Variants in P2RY8 observed in about 807,000 individuals in gnomAD.
The protein encoded by P2RY8 is P2Y receptor family member 8.
A neutral mutation model predicts 10.0 loss-of-function variants in P2RY8; 6 were observed. The ratio of observed to expected loss-of-function variants is 0.60; its 90% CI spans 0.33 to 1.19. The LOEUF (loss-of-function observed/expected upper bound fraction) is 1.19. P2RY8 is among the 50% of genes most tolerant of loss of function. The pLI, the probability that P2RY8 is intolerant of heterozygous loss-of-function variation, is 0.04. For missense variants in P2RY8, 456 were observed against 542.0 expected (o/e 0.84, Z 1.58); for synonymous variants, 276 against 252.5 (o/e 1.09, Z -0.88).
intron 1 of P2RY8, among the ~76,000 whole-genome samples, chrX:1,512,418 G>A (rs1442063870): frequency 2.0e-5 from 3 of 151,810 alleles, no homozygotes; most frequent in East Asian, 1.9e-4. Flanking sequence ...GTGGTGGTGG[G>A]TACCTGTCAT....
intron 1 of P2RY8, among the ~76,000 whole-genome samples, chrX:1,530,986 C>T (rs2092470864): frequency 6.7e-6 from 1 of 148,580 alleles, no homozygotes; most frequent in African/African-American, 2.4e-5. Context: ...TATGTATGTA[C>T]CTATCTAATT....
intron 1 of P2RY8, among the ~76,000 whole-genome samples, chrX:1,478,927 C>A (rs1449639164): frequency 1.3e-5 from 2 of 152,128 alleles, no homozygotes; most frequent in Non-Finnish European, 2.9e-5. Context: ...CCCCACTGAA[C>A]TGCAACTTAT....
intron 1 of P2RY8, among the ~76,000 whole-genome samples, chrX:1,533,002 C>CAAA (rs56945483): frequency 7.6e-4 from 58 of 76,054 alleles, no homozygotes; most frequent in African/African-American, 2.7e-3. Context: ...AACTCTGTCT[C>CAAA]AAAAAAAAAA....
At chrX:1,471,862 G>A in intron 1 of P2RY8, among the ~76,000 whole-genome samples, 1 of 152,210 alleles carries the variant, frequency 6.6e-6, no homozygotes, top group South Asian at 2.1e-4. Context: ...TGAGTGCTGG[G>A]GGCTGTCCCA....
intron 1 of P2RY8, among the ~76,000 whole-genome samples, chrX:1,520,140 A>G (rs2092380399): frequency 6.6e-6 from 1 of 150,864 alleles, no homozygotes; most frequent in Non-Finnish European, 1.5e-5. Flanking sequence ...CTGACCCCCA[A>G]TAATCTCTGT....
At chrX:1,520,371 A>C (rs1431273401) in intron 1 of P2RY8, among the ~76,000 whole-genome samples, 1 of 148,684 alleles carries the variant, frequency 6.7e-6, no homozygotes, top group Non-Finnish European at 1.5e-5. Context: ...TTCCAACATT[A>C]TCTCTGGTCC....
chrX:1,504,628 GA>G (rs1341656998), intron 1 of P2RY8, among the ~76,000 whole-genome samples: 1 of 152,154 alleles, frequency 6.6e-6, no homozygotes, highest in Non-Finnish European at 1.5e-5. Flanking sequence ...GAGGCAGGTG[GA>G]TCACTTGAGG....
At chrX:1,488,733 G>GGTGTGTGT (rs771296428) in intron 1 of P2RY8, among the ~76,000 whole-genome samples, 361 of 147,626 alleles carry the variant, frequency 2.4e-3, no homozygotes, top group South Asian at 9.1e-3. Flanking sequence ...GTAAATGCAG[G>GGTGTGTGT]GTGTGTGTGT....
rs1192057926 is a variant in P2RY8, at chrX:1,487,026, T to C, written c.-24-20444A>G. 8.5e-5 allele frequency among the ~76,000 whole-genome samples: 13 copies of C among 152,238 alleles called. No homozygotes were observed. The East Asian group carries it at 2.1e-3, about 25-fold the overall frequency. On this transcript the variant is annotated intron_variant, in intron 1 of 1. Transcript: ENST00000381297. ...TGGGGCCGTAGCCAGCCTGGCCTCCTCATCCCTCAGGTCCCTACCGGGGTG... is the reference window on the plus strand; with the variant it reads ...TGGGGCCGTAGCCAGCCTGGCCTCCCCATCCCTCAGGTCCCTACCGGGGTG...
chrX:1,514,859 C>T (rs1284410941), intron 1 of P2RY8, among the ~76,000 whole-genome samples: 18 of 31,192 alleles, frequency 5.8e-4, no homozygotes, highest in Non-Finnish European at 1.0e-3. Context: ...CCCTCCCCCT[C>T]CCCCTCCCCT....
intron 1 of P2RY8, among the ~76,000 whole-genome samples, chrX:1,532,476 G>T (rs868479298): frequency 0.39 from 2,764 of 7,066 alleles, 349 homozygotes; most frequent in Middle Eastern, 0.62. Flanking sequence ...TATATGTATA[G>T]ATGTATATGT....
chrX:1,471,309 AT>A (rs1159260456), intron 1 of P2RY8, among the ~76,000 whole-genome samples: 80 of 100,050 alleles, frequency 8.0e-4, no homozygotes, highest in African/African-American at 2.8e-3. Context: ...CGCCCAGCCC[AT>A]TTTTTTTTTT....
intron 1 of P2RY8, among the ~76,000 whole-genome samples, chrX:1,493,401 GAGGA>G (rs2092078472): frequency 9.2e-5 from 2 of 21,770 alleles, no homozygotes; most frequent in Non-Finnish European, 1.4e-4. Flanking sequence ...GGGAGGGAAG[GAGGA>G]AGGAGGAGGA....
At chrX:1,504,238 C>T (rs1603457888) in intron 1 of P2RY8, among the ~76,000 whole-genome samples, 2 of 152,012 alleles carry the variant, frequency 1.3e-5, no homozygotes, top group South Asian at 4.2e-4. Context: ...ATCGCTGGAA[C>T]CCGGGAGGCG....
chrX:1,522,823 C>T (rs1248304755), intron 1 of P2RY8, among the ~76,000 whole-genome samples: 2 of 150,688 alleles, frequency 1.3e-5, no homozygotes, highest in African/African-American at 4.9e-5. Context: ...TATCGCAGCA[C>T]TTTGGGAGGC....
chrX:1,490,598 T>C (rs1219966610), intron 1 of P2RY8, among the ~76,000 whole-genome samples: 2 of 144,080 alleles, frequency 1.4e-5, no homozygotes, highest in African/African-American at 5.2e-5. Context: ...AGATATTCCC[T>C]GCAAATGTGG....
chrX:1,510,762 C>T (rs1215967134), intron 1 of P2RY8, among the ~76,000 whole-genome samples: 1 of 152,098 alleles, frequency 6.6e-6, no homozygotes, highest in African/African-American at 2.4e-5. Context: ...ACCTGTAATC[C>T]AAGCTACTCA....
chrX:1,529,665 C>T (rs73186972), intron 1 of P2RY8, among the ~76,000 whole-genome samples: 10,557 of 152,084 alleles, frequency 0.069, 516 homozygotes, highest in Non-Finnish European at 0.1. Flanking sequence ...GACTATCTAT[C>T]CATCTATATC....
At chrX:1,492,917 T>G (rs1203895965) in intron 1 of P2RY8, among the ~76,000 whole-genome samples, 1 of 152,054 alleles carries the variant, frequency 6.6e-6, no homozygotes, top group African/African-American at 2.4e-5. Context: ...TCTTTCTGGT[T>G]GTAGGTCTTG....
Sources: gnomAD v4.1 joint callset for allele counts (sites outside exome capture counted in the v4.1 genomes callset) on GRCh38, gnomAD v4.1.1 for gene constraint, MANE v1.5 for transcripts, NCBI Gene and HGNC (gene_info 2026-07-23, HGNC 2026-07-21) for gene names.